USP54: variants seen among roughly 807,000 people sequenced by gnomAD.
USP54 encodes the protein ubiquitin specific peptidase 54, also known as ubiquitin carboxyl-terminal hydrolase 54.
A neutral mutation model predicts 170.5 loss-of-function variants in USP54; 87 were observed. The observed-to-expected ratio is 0.51, with a 90% CI of 0.43 to 0.61. The LOEUF is 0.61. Among genes scored for constraint, USP54 ranks in the 20% least tolerant of loss-of-function variants. The pLI is 0.00. For missense variants in USP54, 1,786 were observed against 2,047.8 expected, an observed-to-expected ratio of 0.87 and a Z score of 2.47; for synonymous variants, 655 against 742.8, an observed-to-expected ratio of 0.88 and a Z score of 1.92.
chr10:73,530,466 G>C lies in USP54; in HGVS notation c.1505C>G (p.Thr502Ser), dbSNP rs779542558. The change falls in exon 14 of 24, where the codon ACC becomes AGC. Residue 502 changes from threonine to serine, a missense_variant. By Grantham distance (58) the Thr-to-Ser change is moderately conservative. Coordinates refer to ENST00000687698, the MANE Select transcript of USP54 (RefSeq NM_001391956.1). ...PRNASKPSSS[T>S]NRLRDFKETV... ...CTCTTTAAAATCTCTCAGCCTGTTG[G>C]TGCTGCTGGATGGTTTGGAGGCATT... 16 of 1,614,008 alleles carry C rather than the reference G, an allele frequency of 9.9e-6. No individual in the cohort carries two copies. Among genetic ancestry groups the C allele is most frequent in the African/African-American group, 1.3e-5 (1 of 74,914 alleles).
At chr10:73,580,918 T>C (rs548562416) in intron 1 of USP54, among the ~76,000 whole-genome samples, 1 of 152,322 alleles carries the variant, frequency 6.6e-6, no homozygotes, top group South Asian at 2.1e-4. Flanking sequence ...TACAGGTTTG[T>C]AGCATAGCAG....
chr10:73,597,894 G>A (rs1383552223), intron 1 of USP54, among the ~76,000 whole-genome samples: 2 of 152,124 alleles, frequency 1.3e-5, no homozygotes, highest in East Asian at 1.9e-4. Flanking sequence ...AGAGCAGCCT[G>A]GCCAACTTGG....
chr10:73,583,520 G>C (rs931097663), intron 1 of USP54, among the ~76,000 whole-genome samples: 1 of 152,054 alleles, frequency 6.6e-6, no homozygotes, highest in Non-Finnish European at 1.5e-5. Context: ...TGCTGACCTC[G>C]GGTGATCCGC....
chr10:73,591,001 AT>A (rs1166562651), intron 1 of USP54, among the ~76,000 whole-genome samples: 124 of 147,166 alleles, frequency 8.4e-4, no homozygotes, highest in Middle Eastern at 7.0e-3. Flanking sequence ...AAATCTATGA[AT>A]TTTTTTTTTT....
Position 73,526,689 on chromosome 10 carries a change from T to C in USP54, c.2152A>G (p.Thr718Ala), listed in dbSNP as rs1319535347. The change falls in exon 16 of 24, where the codon ACA becomes GCA. Residue 718 changes from threonine (T) to alanine (A), a missense_variant. Physicochemically the swap from Thr to Ala is moderately conservative, Grantham distance 58 (BLOSUM62 0). Transcript: ENST00000687698. ...TTTGTCCAGCCACCCATGGATGCTG[T>C]GGAGTCTACCTCCAGGATGCTACTG... Reference protein sequence around the residue: ...HSSSILEVDSTASMGGWTKSQ... With the variant: ...HSSSILEVDSAASMGGWTKSQ... 3 of 1,614,224 alleles carry C rather than the reference T, an allele frequency of 1.9e-6. No homozygotes were observed. The highest frequency in any genetic ancestry group is 1.7e-5 in the Admixed American group (1 of 60,030).
chr10:73,517,249 A>G lies in USP54; in HGVS notation c.3177T>C (p.Asn1059=), dbSNP rs769302295. ...GGGGAAGGCTGGGCTGAGCTGATGA[A>G]TTTGAAGGACTACAGCCTAGGCTGT... ...DEHSLGCSPS[N]SSAQPSLPLY... is the part of the protein sequence containing the mutation. The change falls in exon 20 of 24, where the codon AAT becomes AAC. Residue 1059 remains asparagine, a synonymous_variant. Coordinates refer to ENST00000687698, the MANE Select transcript of USP54 (RefSeq NM_001391956.1). 6.2e-7 allele frequency: 1 copy of G among 1,614,176 alleles called. No individual in the cohort carries two copies. Among genetic ancestry groups the G allele is most frequent in the South Asian group, 1.1e-5 (1 of 91,086 alleles).
At chr10:73,516,352 C>A (rs1304926692) in intron 20 of USP54, 23 bp downstream of exon 20, 7 of 1,585,610 alleles carry the variant, frequency 4.4e-6, no homozygotes, top group East Asian at 2.2e-5. Flanking sequence ...CCCCCTCCCC[C>A]CAACCCCTGG....
intron 1 of USP54, among the ~76,000 whole-genome samples, chr10:73,579,336 T>C (rs1440004759): frequency 1.3e-5 from 2 of 152,192 alleles, no homozygotes; most frequent in East Asian, 1.9e-4. Context: ...GTCTGCTCTT[T>C]GGAAGACACT....
intron 12 of USP54, among the ~76,000 whole-genome samples, chr10:73,533,885 T>C (rs115995573): frequency 9.5e-4 from 144 of 152,284 alleles, no homozygotes; most frequent in African/African-American, 3.3e-3. Context: ...ACCAATCCCA[T>C]AAATAGGCCC....
At chr10:73,587,293 G>T (rs1408260363) in intron 1 of USP54, among the ~76,000 whole-genome samples, 3 of 152,026 alleles carry the variant, frequency 2.0e-5, no homozygotes, top group Non-Finnish European at 4.4e-5. Flanking sequence ...CTAACACGGT[G>T]AAACCCCGTC....
At chr10:73,558,639 T>C (rs1168117714) in intron 4 of USP54, among the ~76,000 whole-genome samples, 1 of 152,194 alleles carries the variant, frequency 6.6e-6, no homozygotes, top group African/African-American at 2.4e-5. Context: ...AACATGTTAG[T>C]GTTTCCTTTT....
chr10:73,607,984 G>A (rs917935296), intron 1 of USP54, among the ~76,000 whole-genome samples: 30 of 152,092 alleles, frequency 2.0e-4, no homozygotes, highest in South Asian at 6.2e-4. Flanking sequence ...AGATTTGGCC[G>A]GGCACGGTGG....
intron 4 of USP54, among the ~76,000 whole-genome samples, chr10:73,569,064 T>C (rs1405237629): frequency 5.3e-5 from 8 of 152,212 alleles, no homozygotes; most frequent in Admixed American, 5.2e-4. Context: ...TCAGAGGTCA[T>C]GTAAGTGCTC....
chr10:73,500,593 C>G (rs2057900853), intron 23 of USP54, 62 bp downstream of exon 23: 1 of 1,491,290 alleles, frequency 6.7e-7, no homozygotes. Context: ...CTGATTTGAC[C>G]CTTGGAGGCC....
intron 16 of USP54, among the ~76,000 whole-genome samples, chr10:73,524,695 C>T (rs2062548141): frequency 6.6e-6 from 1 of 152,158 alleles, no homozygotes. Context: ...CAGTTTTAAG[C>T]ATGTTTACAT....
chr10:73,562,043 G>A (rs2133717109), intron 4 of USP54, among the ~76,000 whole-genome samples: 1 of 152,130 alleles, frequency 6.6e-6, no homozygotes, highest in African/African-American at 2.4e-5. Context: ...AGAGGTTGCA[G>A]TGAGCCGAGA....
At chr10:73,587,043 T>C (rs562415015) in intron 1 of USP54, among the ~76,000 whole-genome samples, 1 of 152,206 alleles carries the variant, frequency 6.6e-6, no homozygotes, top group Non-Finnish European at 1.5e-5. Flanking sequence ...CACTTTGTTA[T>C]AATTGACAAA....
chr10:73,614,561 CAAAA>C (rs60519884), intron 1 of USP54, among the ~76,000 whole-genome samples: 1 of 50,242 alleles, frequency 2.0e-5, no homozygotes, highest in Non-Finnish European at 4.1e-5. Flanking sequence ...ACTCCGTCTC[CAAAA>C]AAAAAAAAAA....
At chr10:73,598,179 G>A (rs954151742) in intron 1 of USP54, among the ~76,000 whole-genome samples, 1 of 152,184 alleles carries the variant, frequency 6.6e-6, no homozygotes, top group African/African-American at 2.4e-5. Flanking sequence ...TACTATTCAT[G>A]GTTCCAGGCA....
Sources: allele counts gnomAD v4.1 joint callset (sites outside exome capture counted in the v4.1 genomes callset), GRCh38; gene constraint gnomAD v4.1.1; transcripts MANE v1.5; gene names NCBI Gene and HGNC (gene_info 2026-07-23, HGNC 2026-07-21).